The following SLC27A6 variants were observed in gnomAD, a reference collection of about 807,000 sequenced individuals.
SLC27A6 encodes the protein solute carrier family 27 member 6.
Under a neutral mutation model 63.9 loss-of-function variants are expected in SLC27A6, and 74 were observed. The ratio of observed to expected loss-of-function variants is 1.16; its 90% CI spans 0.96 to 1.40. The LOEUF is 1.40. Ranked by LOEUF, SLC27A6 falls within the 40% of genes most tolerant of loss-of-function variation. The probability of loss-of-function intolerance (pLI) is 0.00; values close to 1 mark genes in which losing one functional copy is unlikely to be tolerated. For missense variants in SLC27A6, 794 were observed against 732.9 expected (o/e 1.08, Z -0.96); for synonymous variants, 287 against 260.8 (o/e 1.10, Z -0.97).
chr5:128,981,911 T>C (rs2577420), intron 1 of SLC27A6, among the ~76,000 whole-genome samples: 99,931 of 151,114 alleles, frequency 0.66, 33,695 homozygotes, highest in East Asian at 0.88. Flanking sequence ...CCTCCCAGGC[T>C]CAAGCGATTC....
chr5:128,972,648 A>C (rs1750219601), intron 1 of SLC27A6, among the ~76,000 whole-genome samples: 1 of 152,114 alleles, frequency 6.6e-6, no homozygotes. Flanking sequence ...TATGCTGTTT[A>C]TTCTAATTAG....
At position 129,002,976 on chromosome 5, in the gene SLC27A6, G is replaced by C. The variant is rs147314839; in HGVS notation, c.969+12512G>C. Among the ~76,000 whole-genome samples, 424 of 152,234 alleles carry C rather than the reference G, an allele frequency of 2.8e-3. 2 individuals carry two copies. Among genetic ancestry groups the C allele is most frequent in the African/African-American group, 9.6e-3 (400 of 41,520 alleles). The stretch of plus-strand genomic sequence containing the variant: ...TACTTTGGTTTTTGAGTGTATCTGT[G>C]GGTCTCAGTGCCTTTATTTCTATGT... On this transcript the variant is annotated intron_variant, in intron 4 of 9. Coordinates refer to ENST00000262462, the MANE Select transcript of SLC27A6 (RefSeq NM_001017372.3).
chr5:128,973,436 A>G (rs1750262272), intron 1 of SLC27A6, among the ~76,000 whole-genome samples: 2 of 152,092 alleles, frequency 1.3e-5, no homozygotes, highest in South Asian at 2.1e-4. Context: ...ACCCAGTTCG[A>G]TCTTCCGCAC....
intron 4 of SLC27A6, among the ~76,000 whole-genome samples, chr5:129,012,559 G>C (rs1301726985): frequency 2.0e-5 from 3 of 152,118 alleles, no homozygotes; most frequent in East Asian, 1.9e-4. Context: ...AGAGAGAGAA[G>C]TTAAAAATAT....
chr5:128,981,999 A>G (rs1468941945), intron 1 of SLC27A6, among the ~76,000 whole-genome samples: 1 of 151,962 alleles, frequency 6.6e-6, no homozygotes, highest in Admixed American at 6.6e-5. Context: ...TTTTTAGTAG[A>G]GACAGGGTTT....
intron 2 of SLC27A6, among the ~76,000 whole-genome samples, 194 bp downstream of exon 2, chr5:128,985,530 C>T (rs1268975125): frequency 2.0e-5 from 3 of 152,130 alleles, no homozygotes; most frequent in Non-Finnish European, 4.4e-5. Flanking sequence ...CTTGAAAAGT[C>T]ATTGTGTTCA....
chr5:128,988,443 A>G (rs1055232884), intron 2 of SLC27A6, among the ~76,000 whole-genome samples, 157 bp from the exon 3 acceptor site: 1 of 152,222 alleles, frequency 6.6e-6, no homozygotes, highest in African/African-American at 2.4e-5. Flanking sequence ...TACAAAGCAG[A>G]TAGACTACTT....
intron 5 of SLC27A6, among the ~76,000 whole-genome samples, chr5:129,022,491 T>C (rs1752106786): frequency 6.6e-6 from 1 of 152,204 alleles, no homozygotes; most frequent in Non-Finnish European, 1.5e-5. Flanking sequence ...AATCATCTTA[T>C]CTTTTCCCAC....
intron 4 of SLC27A6, among the ~76,000 whole-genome samples, chr5:128,993,756 C>T (rs1181989): frequency 0.87 from 131,975 of 151,832 alleles, 58,437 homozygotes; most frequent in Non-Finnish European, 0.95. Flanking sequence ...ATTATAGCTT[C>T]GGAGAATTTG....
At chr5:128,970,304 C>G (rs1331541452) in intron 1 of SLC27A6, among the ~76,000 whole-genome samples, 1 of 152,074 alleles carries the variant, frequency 6.6e-6, no homozygotes, top group Non-Finnish European at 1.5e-5. Flanking sequence ...CCCTCTTTTT[C>G]TATTGATTGG....
At position 128,966,264 on chromosome 5, in the gene SLC27A6, C is replaced by A. The variant is rs78557369; in HGVS notation, c.127C>A (p.Arg43=). ...GTTGAAGGTGGTGCTCATTATAATTCGGCTGAAGAAGTATGAAAAGAGAGG... is the reference window on the plus strand; with the variant it reads ...GTTGAAGGTGGTGCTCATTATAATTAGGCTGAAGAAGTATGAAAAGAGAGG... ...FVLKVVLIII[R]LKKYEKRGEL... The change falls in exon 1 of 10, where the codon CGG becomes AGG. Residue 43 remains arginine, a synonymous_variant. Transcript: ENST00000262462. 1.8e-3 allele frequency: 2,876 copies of A among 1,613,754 alleles called. 36 individuals carry two copies. The African/African-American group carries it at 0.032, about 18-fold the overall frequency.
rs979705720 is a variant in SLC27A6, at chr5:129,033,406, G to A, written c.*124G>A. 1 of 469,932 alleles carries A rather than the reference G, an allele frequency of 2.1e-6. No homozygotes were observed. Among genetic ancestry groups the A allele is most frequent in the Non-Finnish European group, 3.7e-6 (1 of 270,254 alleles). 29.1% of individuals were successfully genotyped at this position (469,932 alleles called of 1,614,324 possible). ...TGCATGTACTATATTTCCTTAATAT[G>A]AGAGATAATTTTTTAATTGCATAAG... On this transcript the variant is annotated 3_prime_UTR_variant, in exon 10 of 10. Transcript: ENST00000262462.
intron 4 of SLC27A6, among the ~76,000 whole-genome samples, chr5:129,007,595 C>T (rs935580894): frequency 2.0e-5 from 3 of 151,428 alleles, no homozygotes; most frequent in Non-Finnish European, 4.4e-5. Flanking sequence ...AGAAATTAAA[C>T]ACAATATATT....
chr5:128,979,839 GC>G (rs1750523755), intron 1 of SLC27A6, among the ~76,000 whole-genome samples: 1 of 152,114 alleles, frequency 6.6e-6, no homozygotes, highest in Non-Finnish European at 1.5e-5. Context: ...TATATTCAGG[GC>G]AGTTAAATCA....
chr5:128,996,504 T>C (rs1751164930), intron 4 of SLC27A6, among the ~76,000 whole-genome samples: 2 of 152,198 alleles, frequency 1.3e-5, no homozygotes. Flanking sequence ...TTATTCATTT[T>C]TAAACTTTAC....
At chr5:128,981,404 C>G (rs1177956111) in intron 1 of SLC27A6, among the ~76,000 whole-genome samples, 1 of 151,540 alleles carries the variant, frequency 6.6e-6, no homozygotes, top group Non-Finnish European at 1.5e-5. Context: ...TCACTTGAAC[C>G]TGGGTGGCGG....
At chr5:128,966,670 C>G (rs781106180) in intron 1 of SLC27A6, 52 bp downstream of exon 1, 25 of 1,400,982 alleles carry the variant, frequency 1.8e-5, no homozygotes, top group Non-Finnish European at 2.2e-5. Flanking sequence ...CACCTGCTTT[C>G]ATACCCTTTT....
chr5:128,985,325 C>A lies in SLC27A6; in HGVS notation c.674C>A (p.Ser225Tyr), dbSNP rs1181890756. Residue 225 changes from serine (S) to tyrosine (Y), a missense_variant, in exon 2 of 10, where the codon TCT becomes TAT. Coordinates refer to ENST00000262462, the MANE Select transcript of SLC27A6 (RefSeq NM_001017372.3). ...LKSTCLYIFT[S>Y]GTTGLPKAAV... ...TCTACTTGTCTTTACATTTTTACCTCTGGAACAACAGGTATGATCCAATTC... is the reference window on the plus strand; with the variant it reads ...TCTACTTGTCTTTACATTTTTACCTATGGAACAACAGGTATGATCCAATTC... 1 of 1,613,676 alleles carries A rather than the reference C, an allele frequency of 6.2e-7. No individual in the cohort carries two copies. The highest frequency in any genetic ancestry group is 8.5e-7 in the Non-Finnish European group (1 of 1,179,648).
At chr5:129,006,270 T>G (rs2150144898) in intron 4 of SLC27A6, among the ~76,000 whole-genome samples, 1 of 151,694 alleles carries the variant, frequency 6.6e-6, no homozygotes, top group African/African-American at 2.4e-5. Context: ...TTTTGTATTT[T>G]TAGTAGAGAC....
Sources: allele counts gnomAD v4.1 joint callset (sites outside exome capture counted in the v4.1 genomes callset), GRCh38; gene constraint gnomAD v4.1.1; transcripts MANE v1.5; gene names NCBI Gene and HGNC (gene_info 2026-07-23, HGNC 2026-07-21).